Variants in LRRC69 observed in about 807,000 individuals in gnomAD.
LRRC69 encodes the protein leucine-rich repeat-containing protein 69.
LRRC69 carries 42 observed loss-of-function variants against 37.8 expected under a neutral mutation model. That is an observed-to-expected ratio of 1.11 (90% CI 0.87 to 1.44). The LOEUF (loss-of-function observed/expected upper bound fraction) is 1.44, where lower values mean the gene tolerates loss of function less well. LRRC69 is among the 40% of genes most tolerant of loss of function. LRRC69 has a pLI of 0.00. For synonymous variants in LRRC69, 141 were observed against 143.1 expected (o/e 0.99, Z 0.11); for missense variants, 357 against 401.9 (o/e 0.89, Z 0.96).
At chr8:91,154,240 G>GAAA (rs568539339) in intron 5 of LRRC69, among the ~76,000 whole-genome samples, 2 of 144,224 alleles carry the variant, frequency 1.4e-5, no homozygotes, top group Admixed American at 6.9e-5. Flanking sequence ...ACCAACCAAA[G>GAAA]AAAAAAAAAA....
chr8:91,182,320 CT>C (rs1257759713), intron 5 of LRRC69, among the ~76,000 whole-genome samples: 2 of 152,138 alleles, frequency 1.3e-5, no homozygotes, highest in East Asian at 1.9e-4. Context: ...TTAAAAATCT[CT>C]TGTAAACATC....
At chr8:91,197,225 A>G (rs2130622910) in intron 6 of LRRC69, among the ~76,000 whole-genome samples, 2 of 152,266 alleles carry the variant, frequency 1.3e-5, no homozygotes, top group South Asian at 4.1e-4. Context: ...GCGTGCTGGG[A>G]GAACCACTGC....
chr8:91,151,214 T>C (rs1316314219), intron 5 of LRRC69, among the ~76,000 whole-genome samples: 1 of 151,992 alleles, frequency 6.6e-6, no homozygotes, highest in Admixed American at 6.6e-5. Flanking sequence ...CTTTGTCTTG[T>C]GGGCATTTAG....
At chr8:91,139,740 ATGTC>A (rs1478777891) in intron 5 of LRRC69, among the ~76,000 whole-genome samples, 2 of 151,780 alleles carry the variant, frequency 1.3e-5, no homozygotes, top group Non-Finnish European at 2.9e-5. Flanking sequence ...ACACGATACT[ATGTC>A]TGGATTGGTT....
At position 91,108,727 on chromosome 8, in the gene LRRC69, GTTAT is replaced by G. The variant is rs201204889; in HGVS notation, c.183+5898_183+5901del. Among the ~76,000 whole-genome samples, 1,399 of 152,058 alleles carry G rather than the reference GTTAT, an allele frequency of 9.2e-3. 28 individuals carry two copies. Among genetic ancestry groups the G allele is most frequent in the African/African-American group, 0.032 (1,322 of 41,530 alleles). On this transcript the variant is annotated intron_variant, in intron 1 of 7. Transcript: ENST00000448384. ...TTCTAAAATATTATGAGATGTTTTT[GTTAT>G]TTATTTATTTATTTTTAAGCTCATC...
In LRRC69 at chr8:91,213,521, A is replaced by G. The variant is rs994861269; in HGVS notation, c.934-5369A>G. 4.5e-4 allele frequency among the ~76,000 whole-genome samples: 68 copies of G among 152,332 alleles called. 1 individual carries two copies. The highest frequency in any genetic ancestry group is 1.6e-3 in the African/African-American group (66 of 41,584). On this transcript the variant is annotated intron_variant, in intron 7 of 7. Coordinates refer to ENST00000448384, the Ensembl canonical transcript of LRRC69. ...TTTGAGGGCCTGCTTTAAGCAGGGA[A>G]CTGAATGCTAAGTACAATGCGAATA...
chr8:91,115,861 G>GT (rs2130488308), intron 1 of LRRC69, among the ~76,000 whole-genome samples: 2 of 151,894 alleles, frequency 1.3e-5, no homozygotes, highest in African/African-American at 4.8e-5. Context: ...GCTGCTTCAG[G>GT]TTCCTTGCCT....
intron 7 of LRRC69, chr8:91,206,941 A>G (rs1321544906): frequency 2.2e-6 from 2 of 901,016 alleles, no homozygotes; most frequent in African/African-American, 1.8e-5. Flanking sequence ...AGTCTGGGCT[A>G]TGTTTCCTAT....
intron 5 of LRRC69, among the ~76,000 whole-genome samples, chr8:91,181,399 A>G (rs1407212911): frequency 6.6e-6 from 1 of 152,070 alleles, no homozygotes; most frequent in Non-Finnish European, 1.5e-5. Flanking sequence ...CCTCCTAATT[A>G]CTTAGTGGGG....
intron 5 of LRRC69, among the ~76,000 whole-genome samples, chr8:91,169,769 C>T (rs368064137): frequency 0.033 from 4,420 of 132,488 alleles, 85 homozygotes; most frequent in African/African-American, 0.051. Flanking sequence ...TGAGAACATG[C>T]AGTGTTTGGT....
intron 6 of LRRC69, among the ~76,000 whole-genome samples, chr8:91,197,522 C>T (rs1809631971): frequency 6.6e-6 from 1 of 152,146 alleles, no homozygotes; most frequent in African/African-American, 2.4e-5. Context: ...CCCTCCGAGC[C>T]AGGTGCGGGA....
At chr8:91,165,141 T>A (rs778449615) in intron 5 of LRRC69, among the ~76,000 whole-genome samples, 17 of 151,718 alleles carry the variant, frequency 1.1e-4, no homozygotes, top group Non-Finnish European at 1.9e-4. Context: ...AAGGAAAATT[T>A]TGCCTAATTT....
At chr8:91,126,979 C>T in intron 2 of LRRC69, 109 bp from the exon 3 acceptor site, 1 of 796,540 alleles carries the variant, frequency 1.3e-6, no homozygotes, top group Non-Finnish European at 2.0e-6. Flanking sequence ...CCAAAAGAGC[C>T]TTGGCCAAGG....
intron 7 of LRRC69, among the ~76,000 whole-genome samples, chr8:91,216,726 G>A (rs544372283): frequency 1.3e-5 from 2 of 151,852 alleles, no homozygotes; most frequent in South Asian, 4.2e-4. Flanking sequence ...ATCTAGTTAG[G>A]GAATCAATAT....
intron 5 of LRRC69, among the ~76,000 whole-genome samples, chr8:91,151,624 A>G (rs1808739402): frequency 6.6e-6 from 1 of 151,600 alleles, no homozygotes; most frequent in East Asian, 1.9e-4. Flanking sequence ...GTATCTTTAT[A>G]ATAGAATGAT....
At chr8:91,206,069 A>G (rs768945147) in intron 7 of LRRC69, among the ~76,000 whole-genome samples, 1 of 152,226 alleles carries the variant, frequency 6.6e-6, no homozygotes, top group Non-Finnish European at 1.5e-5. Context: ...TTTAAGAACC[A>G]TTTTGGTTTT....
At chr8:91,158,479 A>G (rs972892618) in intron 5 of LRRC69, 16 of 1,162,604 alleles carry the variant, frequency 1.4e-5, no homozygotes, top group East Asian at 2.3e-5. Flanking sequence ...TTGGAAACCC[A>G]CAAGGCCTCA....
At chr8:91,196,333 T>C (rs1391666012) in intron 6 of LRRC69, among the ~76,000 whole-genome samples, 1 of 151,800 alleles carries the variant, frequency 6.6e-6, no homozygotes, top group African/African-American at 2.4e-5. Flanking sequence ...TTGGAGTTGC[T>C]CTTCTCGAGG....
In LRRC69 at chr8:91,118,532, GA is replaced by G. The variant is rs201180971; in HGVS notation, c.184-5952del. ...TGACAGAGTGAGACTGTCTCAAAAGGAAAAAAAAATTCTTCTAATTGTAAGT... is the reference window on the plus strand; with the variant it reads ...TGACAGAGTGAGACTGTCTCAAAAGGAAAAAAAATTCTTCTAATTGTAAGT... On this transcript the variant is annotated intron_variant, in intron 1 of 7. Coordinates refer to ENST00000448384, the Ensembl canonical transcript of LRRC69. The G allele has an allele frequency of 1.3e-3, 293 of 232,762 alleles. 3 individuals carry two copies. Among genetic ancestry groups the G allele is most frequent in the African/African-American group, 5.9e-3 (247 of 42,144 alleles). 14.4% of individuals were successfully genotyped at this position (232,762 alleles called of 1,614,324 possible). A position where few individuals can be genotyped will look rare whatever the true frequency, so the allele number is the denominator to read the frequency against.
Sources: gnomAD v4.1 joint callset for allele counts (sites outside exome capture counted in the v4.1 genomes callset) on GRCh38, gnomAD v4.1.1 for gene constraint, MANE v1.5 for transcripts, NCBI Gene and HGNC (gene_info 2026-07-23, HGNC 2026-07-21) for gene names.